The following AKAP7 variants were observed in gnomAD, a reference collection of about 807,000 sequenced individuals.
The protein encoded by AKAP7 is A-kinase anchoring protein 7.
AKAP7 carries 39 observed loss-of-function variants against 39.5 expected under a neutral mutation model. The ratio of observed to expected loss-of-function variants is 0.99; its 90% CI spans 0.76 to 1.29. The LOEUF (loss-of-function observed/expected upper bound fraction) is 1.29. AKAP7 is among the 50% of genes most tolerant of loss of function. AKAP7 has a pLI of 0.00. For synonymous variants in AKAP7, 140 were observed against 139.1 expected, an observed-to-expected ratio of 1.01 and a Z score of -0.05; for missense variants, 414 against 407.7, an observed-to-expected ratio of 1.02 and a Z score of -0.13.
At chr6:131,155,337 A>G (rs977720988) in intron 2 of AKAP7, among the ~76,000 whole-genome samples, 9 of 152,162 alleles carry the variant, frequency 5.9e-5, no homozygotes, top group South Asian at 2.1e-4. Context: ...TGAATTTCCT[A>G]TAGTGTGATA....
At chr6:131,267,053 A>G (rs1813860531) in intron 7 of AKAP7, among the ~76,000 whole-genome samples, 1 of 141,500 alleles carries the variant, frequency 7.1e-6, no homozygotes, top group Non-Finnish European at 1.6e-5. Context: ...ACCATATTCT[A>G]CTCACTCATC....
chr6:131,184,696 A>G (rs1805643854), intron 5 of AKAP7: 1 of 796,588 alleles, frequency 1.3e-6, no homozygotes, highest in Non-Finnish European at 2.3e-6. Context: ...GTTGTTGGGC[A>G]AGGCAAATCC....
chr6:131,251,404 T>G (rs1166315967), intron 7 of AKAP7, among the ~76,000 whole-genome samples: 1 of 152,210 alleles, frequency 6.6e-6, no homozygotes, highest in Non-Finnish European at 1.5e-5. Context: ...ATATAATGTT[T>G]CCAGTCATAC....
chr6:131,237,604 G>C (rs1004767710), intron 7 of AKAP7, among the ~76,000 whole-genome samples: 11 of 152,144 alleles, frequency 7.2e-5, no homozygotes, highest in Non-Finnish European at 1.6e-4. Context: ...GGTCTATTCA[G>C]AGATTCAACT....
intron 4 of AKAP7, among the ~76,000 whole-genome samples, chr6:131,168,191 C>T (rs1289187546): frequency 6.6e-6 from 1 of 152,086 alleles, no homozygotes; most frequent in Non-Finnish European, 1.5e-5. Flanking sequence ...GCAGGAGCAT[C>T]ACTTGAGCCT....
At chr6:131,198,232 A>G (rs1312133397) in intron 5 of AKAP7, among the ~76,000 whole-genome samples, 6 of 152,146 alleles carry the variant, frequency 3.9e-5, no homozygotes, top group Admixed American at 3.3e-4. Flanking sequence ...TAGGACATAC[A>G]GTTACAATAA....
intron 7 of AKAP7, among the ~76,000 whole-genome samples, chr6:131,239,309 A>T (rs1168490640): frequency 3.3e-5 from 5 of 152,172 alleles, no homozygotes; most frequent in African/African-American, 4.8e-5. Flanking sequence ...CTTTGTGGGT[A>T]ACCCAACCTT....
intron 7 of AKAP7, among the ~76,000 whole-genome samples, chr6:131,274,616 G>A (rs1478502506): frequency 6.6e-6 from 1 of 152,058 alleles, no homozygotes; most frequent in Non-Finnish European, 1.5e-5. Flanking sequence ...GGGACTACAG[G>A]TGCATGCCAC....
intron 7 of AKAP7, among the ~76,000 whole-genome samples, chr6:131,246,887 A>G: frequency 6.6e-6 from 1 of 152,140 alleles, no homozygotes; most frequent in East Asian, 1.9e-4. Flanking sequence ...AATTGTGTTT[A>G]ATAATACAGA....
chr6:131,132,557 G>A (rs528533792), upstream of AKAP7, among the ~76,000 whole-genome samples: 2 of 152,104 alleles, frequency 1.3e-5, no homozygotes, highest in East Asian at 3.9e-4. Flanking sequence ...AACTGGATTG[G>A]AAGGGTTTAG....
At chr6:131,234,892 ATTTT>A (rs910513929) in intron 7 of AKAP7, among the ~76,000 whole-genome samples, 2 of 150,422 alleles carry the variant, frequency 1.3e-5, no homozygotes, top group South Asian at 4.2e-4. Flanking sequence ...TTTTTATTTT[ATTTT>A]TTTATTATTA....
At chr6:131,189,808 T>C (rs1024955255) in intron 5 of AKAP7, among the ~76,000 whole-genome samples, 24 of 152,214 alleles carry the variant, frequency 1.6e-4, no homozygotes, top group Non-Finnish European at 1.5e-5. Context: ...TCAGACAATT[T>C]TCATCTTCAG....
intron 6 of AKAP7, among the ~76,000 whole-genome samples, chr6:131,203,698 A>G (rs1585081522): frequency 6.6e-6 from 1 of 152,138 alleles, no homozygotes; most frequent in East Asian, 1.9e-4. Flanking sequence ...ACCTTTTCCT[A>G]TGTGCTGCAA....
intron 7 of AKAP7, among the ~76,000 whole-genome samples, chr6:131,231,576 A>G (rs1017660205): frequency 1.3e-5 from 2 of 152,188 alleles, no homozygotes; most frequent in East Asian, 3.8e-4. Flanking sequence ...AATTTATTTA[A>G]TAAGAGCTGA....
chr6:131,255,174 A>G (rs951280799), intron 7 of AKAP7, among the ~76,000 whole-genome samples: 1 of 152,160 alleles, frequency 6.6e-6, no homozygotes, highest in Non-Finnish European at 1.5e-5. Flanking sequence ...ATCTTATCAC[A>G]TGGATTTCAA....
intron 7 of AKAP7, among the ~76,000 whole-genome samples, chr6:131,243,919 TAAAAGC>T (rs1287889874): frequency 6.6e-6 from 1 of 152,118 alleles, no homozygotes; most frequent in Non-Finnish European, 1.5e-5. Context: ...ATTAAAAGAT[TAAAAGC>T]ACTTGACTAA....
At chr6:131,179,017 T>A (rs1804851135) in intron 5 of AKAP7, among the ~76,000 whole-genome samples, 1 of 152,008 alleles carries the variant, frequency 6.6e-6, no homozygotes, top group Admixed American at 6.5e-5. Flanking sequence ...GCTTAGACCT[T>A]TTCATTCTTA....
chr6:131,192,143 A>T (rs981029683), intron 5 of AKAP7, among the ~76,000 whole-genome samples: 1 of 152,154 alleles, frequency 6.6e-6, no homozygotes, highest in African/African-American at 2.4e-5. Context: ...CTTGTGAGAT[A>T]TAACTCAAGA....
chr6:131,181,941 T>C (rs766249765), intron 5 of AKAP7, among the ~76,000 whole-genome samples: 3 of 152,038 alleles, frequency 2.0e-5, no homozygotes, highest in East Asian at 1.9e-4. Context: ...CTGGCCAACA[T>C]AGTGAAACTC....
Sources: allele counts gnomAD v4.1 joint callset (sites outside exome capture counted in the v4.1 genomes callset), GRCh38; gene constraint gnomAD v4.1.1; transcripts MANE v1.5; gene names NCBI Gene and HGNC (gene_info 2026-07-23, HGNC 2026-07-21).